The following TMEM204 variants were observed in gnomAD, a reference collection of about 807,000 sequenced individuals.
The protein encoded by TMEM204 is claudin-like protein 24.
A neutral mutation model predicts 19.4 loss-of-function variants in TMEM204; 15 were observed. The ratio of observed to expected loss-of-function variants is 0.77; its 90% CI spans 0.52 to 1.19. The LOEUF is 1.19. Ranked by LOEUF, TMEM204 falls within the 50% of genes most tolerant of loss-of-function variation. The pLI is 0.00. For missense variants in TMEM204, 287 were observed against 321.2 expected (o/e 0.89, Z 0.81); for synonymous variants, 161 against 146.0 (o/e 1.10, Z -0.74).
intron 2 of TMEM204, among the ~76,000 whole-genome samples, chr16:1,544,850 G>C (rs373007828): frequency 6.7e-6 from 1 of 149,234 alleles, no homozygotes; most frequent in African/African-American, 2.5e-5. Flanking sequence ...GGGTTTCACC[G>C]TGTTAGCCAG....
chr16:1,548,294 G>A (rs568962253), intron 2 of TMEM204, among the ~76,000 whole-genome samples: 1 of 152,346 alleles, frequency 6.6e-6, no homozygotes, highest in African/African-American at 2.4e-5. Flanking sequence ...GTCAGCCCTG[G>A]GGTCTTTCCA....
In TMEM204 at chr16:1,534,423, T is replaced by C. The variant is rs1411803209; in HGVS notation, c.148T>C (p.Trp50Arg). 1.9e-6 allele frequency: 3 copies of C among 1,612,402 alleles called. No individual in the cohort carries two copies. The highest frequency in any genetic ancestry group is 2.5e-6 in the Non-Finnish European group (3 of 1,179,782). ...CAGCGTGGGGCTGTGGAGGTCCTGC[T>C]GGCTGGTGGACAGGACCCGGGGAGG... ...RRSVGLWRSCWLVDRTRGGPS... is the reference protein window; with the variant it reads ...RRSVGLWRSCRLVDRTRGGPS... The change falls in exon 1 of 3, where the codon TGG becomes CGG. Residue 50 changes from tryptophan to arginine, a missense_variant. Coordinates refer to ENST00000566264, the MANE Select transcript of TMEM204 (RefSeq NM_024600.6).
rs537912708 is a variant in TMEM204, at chr16:1,544,026, T to C, written c.436+1950T>C. 2.0e-5 allele frequency among the ~76,000 whole-genome samples: 3 copies of C among 151,982 alleles called. No homozygotes were observed. The South Asian group carries it at 6.2e-4, about 32-fold the overall frequency. ...CAATGGATCACTACATTTCTTTTTTTTTTTTTTTTGAGATGGAGTCTTGCT... is the reference window on the plus strand; with the variant it reads ...CAATGGATCACTACATTTCTTTTTTCTTTTTTTTTGAGATGGAGTCTTGCT... On this transcript the variant is annotated intron_variant, in intron 2 of 2. Coordinates refer to ENST00000566264, the MANE Select transcript of TMEM204 (RefSeq NM_024600.6).
At position 1,548,438 on chromosome 16, in the gene TMEM204, T is replaced by C. The variant is rs946402875; in HGVS notation, c.437-6344T>C. 2.6e-5 allele frequency among the ~76,000 whole-genome samples: 4 copies of C among 152,240 alleles called. 1 individual carries two copies. The highest frequency in any genetic ancestry group is 1.3e-4 in the Admixed American group (2 of 15,284). On this transcript the variant is annotated intron_variant, in intron 2 of 2. Transcript: ENST00000566264. ...TGGGCTGCAGAGCTGTAATTCACAC[T>C]GTCCGGGCGGCTCACAGGAAGAGGT...
chr16:1,529,109 C>T (rs529541200), upstream of TMEM204, among the ~76,000 whole-genome samples: 3 of 152,292 alleles, frequency 2.0e-5, no homozygotes, highest in African/African-American at 4.8e-5. Flanking sequence ...TGCCCGCTCC[C>T]GAAAGCCAGC....
chr16:1,540,604 T>C (rs1371737682), intron 1 of TMEM204, among the ~76,000 whole-genome samples: 2 of 152,200 alleles, frequency 1.3e-5, no homozygotes, highest in Non-Finnish European at 2.9e-5. Flanking sequence ...TTCTGGTGTC[T>C]GTGATGAATG....
At chr16:1,530,619 G>GA (rs2030366256), upstream of TMEM204, 1 of 152,294 alleles carries the variant, frequency 6.6e-6, no homozygotes, top group Non-Finnish European at 1.5e-5. Flanking sequence ...ACAAGCACAG[G>GA]AATGTGGCAG....
upstream of TMEM204, among the ~76,000 whole-genome samples, chr16:1,530,133 C>CGTT: frequency 1.1e-5 from 1 of 88,586 alleles, no homozygotes; most frequent in East Asian, 3.5e-4. Flanking sequence ...CGACGGGAAT[C>CGTT]TTTTTTTTTT....
intron 2 of TMEM204, among the ~76,000 whole-genome samples, chr16:1,547,146 T>C (rs546795825): frequency 1.3e-5 from 2 of 152,218 alleles, no homozygotes; most frequent in African/African-American, 4.8e-5. Flanking sequence ...CCCCATTACC[T>C]TGTAATTTGT....
intron 2 of TMEM204, among the ~76,000 whole-genome samples, chr16:1,542,499 G>C (rs191125414): frequency 1.3e-5 from 2 of 152,356 alleles, no homozygotes; most frequent in Middle Eastern, 3.4e-3. Context: ...CCCATGCCTG[G>C]CCCTGACCTT....
At position 1,553,189 on chromosome 16, in the gene TMEM204, C is replaced by G; in HGVS notation, c.437-1593C>G. The G allele has an allele frequency of 1.0e-6, 1 of 984,448 alleles. No homozygotes were observed. Among genetic ancestry groups the G allele is most frequent in the Non-Finnish European group, 1.2e-6 (1 of 829,198 alleles). 61.0% of individuals were successfully genotyped at this position (984,448 alleles called of 1,614,324 possible). A position where few individuals can be genotyped will look rare whatever the true frequency, so the allele number is the denominator to read the frequency against. On this transcript the variant is annotated intron_variant, in intron 2 of 2. Coordinates refer to ENST00000566264, the MANE Select transcript of TMEM204 (RefSeq NM_024600.6). This position sits in a 1 kb window ranked among gnomAD's most constrained non-coding sequence, Gnocchi z 4.4. ...ACCCATCTCTTGCTCTCTGTCTCTC[C>G]TTCCCTGTGTCTCTGTCTCTGTCTC...
chr16:1,536,662 G>T (rs991829252), intron 1 of TMEM204, among the ~76,000 whole-genome samples: 17 of 152,130 alleles, frequency 1.1e-4, no homozygotes, highest in African/African-American at 4.1e-4. Flanking sequence ...CCAGGCTGGA[G>T]TGCAGCCACC....
At position 1,533,962 on chromosome 16, in the gene TMEM204, G is replaced by A. The variant is rs1482338642; in HGVS notation, c.-314G>A. The A allele has an allele frequency of 4.0e-5, 17 of 421,406 alleles. No homozygotes were observed. Among genetic ancestry groups the A allele is most frequent in the East Asian group, 2.0e-4 (4 of 19,936 alleles). 26.1% of individuals were successfully genotyped at this position (421,406 alleles called of 1,614,324 possible). A position where few individuals can be genotyped will look rare whatever the true frequency, so the allele number is the denominator to read the frequency against. ...AGAAGAGGCACGCGCGGCACAGGCCGGCCTCCGCTTCCCGGGAAGACGGCG... is the reference window on the plus strand; with the variant it reads ...AGAAGAGGCACGCGCGGCACAGGCCAGCCTCCGCTTCCCGGGAAGACGGCG... On this transcript the variant is annotated 5_prime_UTR_variant, in exon 1 of 3. Coordinates refer to ENST00000566264, the MANE Select transcript of TMEM204 (RefSeq NM_024600.6). This position sits in a 1 kb window ranked among gnomAD's most constrained non-coding sequence, Gnocchi z 4.7.
chr16:1,545,295 C>T (rs775887747), intron 2 of TMEM204, among the ~76,000 whole-genome samples: 14 of 151,654 alleles, frequency 9.2e-5, no homozygotes, highest in African/African-American at 1.5e-4. Context: ...GGCACCAGGG[C>T]GAGGGCCAGC....
intron 2 of TMEM204, among the ~76,000 whole-genome samples, chr16:1,543,851 A>C (rs1039515739): frequency 6.6e-6 from 1 of 152,200 alleles, no homozygotes; most frequent in African/African-American, 2.4e-5. Flanking sequence ...CGCGTGCAGG[A>C]ATCGGAAATG....
rs1027374133 is a variant in TMEM204 at position 1,553,064 on chromosome 16, G to A, written c.437-1718G>A. 1.2e-5 allele frequency: 12 copies of A among 985,306 alleles called. No individual in the cohort carries two copies. The highest frequency in any genetic ancestry group is 9.6e-6 in the Non-Finnish European group (8 of 829,936). The allele number at this position is 985,306 out of a possible 1,614,324, so 61.0% of individuals were successfully genotyped here. A position where few individuals can be genotyped will look rare whatever the true frequency, so the allele number is the denominator to read the frequency against. On this transcript the variant is annotated intron_variant, in intron 2 of 2. Transcript: ENST00000566264. This position sits in a 1 kb window ranked among gnomAD's most constrained non-coding sequence, Gnocchi z 4.4. ...GAAACCAGTCACTGTCATTGTTCAG[G>A]ACAAAATGGAGATAGATAAATGCTT...
intron 1 of TMEM204, among the ~76,000 whole-genome samples, chr16:1,537,171 T>C (rs2031157444): frequency 6.6e-6 from 1 of 151,800 alleles, no homozygotes; most frequent in South Asian, 2.1e-4. Context: ...CAGTCTAGGG[T>C]CGGGGTGGGG....
At position 1,534,441 on chromosome 16, in the gene TMEM204, C is replaced by G. The variant is rs199572244; in HGVS notation, c.166C>G (p.Arg56Gly). 4 of 1,611,546 alleles carry G rather than the reference C, an allele frequency of 2.5e-6. No homozygotes were observed. Among genetic ancestry groups the G allele is most frequent in the Non-Finnish European group, 3.4e-6 (4 of 1,179,682 alleles). Residue 56 changes from arginine to glycine, a missense_variant, in exon 1 of 3, where the codon CGG becomes GGG. Transcript: ENST00000566264. Reference sequence around the variant, plus strand: ...GTCCTGCTGGCTGGTGGACAGGACCCGGGGAGGGCCGAGCCCTGGGGCCAG... The same window carrying G: ...GTCCTGCTGGCTGGTGGACAGGACCGGGGGAGGGCCGAGCCCTGGGGCCAG... ...WRSCWLVDRT[R>G]GGPSPGARAG...
upstream of TMEM204, among the ~76,000 whole-genome samples, chr16:1,529,304 G>A (rs566500128): frequency 4.3e-4 from 66 of 152,310 alleles, 1 homozygote; most frequent in Non-Finnish European, 7.4e-4. Flanking sequence ...CCAGGCCCTC[G>A]TGGGGGTGCC....
Sources: allele counts gnomAD v4.1 joint callset (sites outside exome capture counted in the v4.1 genomes callset), GRCh38; gene constraint gnomAD v4.1.1; non-coding constraint Gnocchi (gnomAD v3.1); transcripts MANE v1.5; gene names NCBI Gene and HGNC (gene_info 2026-07-23, HGNC 2026-07-21).